TRRAP: variants seen among roughly 807,000 people sequenced by gnomAD.
TRRAP encodes the protein transformation/transcription domain associated protein.
TRRAP carries 41 observed loss-of-function variants against 438.8 expected under a neutral mutation model. The ratio of observed to expected loss-of-function variants is 0.09; its 90% CI spans 0.07 to 0.12. TRRAP has a LOEUF of 0.12. Among genes scored for constraint, TRRAP ranks in the 10% least tolerant of loss-of-function variants. The probability of loss-of-function intolerance (pLI) is 1.00; values close to 1 mark genes in which losing one functional copy is unlikely to be tolerated. For synonymous variants in TRRAP, 1,994 were observed against 1,962.9 expected (o/e 1.02, Z -0.42); for missense variants, 3,122 against 5,055.1 (o/e 0.62, Z 11.60).
At chr7:98,941,423 A>G (rs1182036106) in intron 30 of TRRAP, among the ~76,000 whole-genome samples, 1 of 151,918 alleles carries the variant, frequency 6.6e-6, no homozygotes, top group Non-Finnish European at 1.5e-5. Flanking sequence ...TGATCTGTAC[A>G]CCTCCCAAAG....
rs782512732 is a variant in TRRAP at position 98,949,827 on chromosome 7, G to C, written c.5121G>C (p.Leu1707=). Residue 1707 remains leucine, a synonymous_variant, in exon 37 of 73, where the codon CTG becomes CTC. Coordinates refer to ENST00000456197, the MANE Select transcript of TRRAP (RefSeq NM_001375524.1). The part of the protein sequence containing the change: ...WKEPKLLAYC[L]LNYCKRNYGD... ...AGCCCAAGCTGCTGGCCTACTGCCT[G>C]CTGAACTACTGCAAGTGGGTGCCTC... 4 of 1,613,330 alleles carry C rather than the reference G, an allele frequency of 2.5e-6. No individual in the cohort carries two copies. The highest frequency in any genetic ancestry group is 2.2e-5 in the South Asian group (2 of 91,038).
At position 98,970,217 on chromosome 7, in the gene TRRAP, C is replaced by G; in HGVS notation, c.7618C>G (p.Arg2540Gly). The G allele has an allele frequency of 6.2e-7, 1 of 1,613,810 alleles. No homozygotes were observed. Among genetic ancestry groups the G allele is most frequent in the Non-Finnish European group, 8.5e-7 (1 of 1,180,026 alleles). ...CATCAACCTGGCCGATAGCCACGAC[C>G]GTGCCGCCTTCGCCATGGTCACACA... is the stretch of plus-strand genomic sequence containing the variant. ...NVINLADSHD[R>G]AAFAMVTHVK... is the part of the protein sequence containing the mutation. The change falls in exon 52 of 73, where the codon CGT becomes GGT. Residue 2540 changes from arginine to glycine, a missense_variant. This residue lies in a region of TRRAP where 992 missense variants were observed against 1,281.2 expected (regional missense o/e 0.77). Coordinates refer to ENST00000456197, the MANE Select transcript of TRRAP (RefSeq NM_001375524.1).
chr7:99,010,974 A>C, intron 70 of TRRAP, 78 bp from the exon 71 acceptor site: 17 of 1,379,558 alleles, frequency 1.2e-5, no homozygotes, highest in Non-Finnish European at 1.6e-5. Flanking sequence ...GTTAAAGAGG[A>C]ATTGCAATTT....
rs555202151 is a variant in TRRAP at position 99,011,897 on chromosome 7, C to T, written c.11338-174C>T. Among the ~76,000 whole-genome samples, 1 of 152,328 alleles carries T rather than the reference C, an allele frequency of 6.6e-6. No homozygotes were observed. The highest frequency in any genetic ancestry group is 1.5e-5 in the Non-Finnish European group (1 of 68,030). ...CCAAGTGGAGGAAGGGGTTTGTCCC[C>T]CAGCGGCTTCCCCAGCCCGTCCTGA... On this transcript the variant is annotated intron_variant, in intron 72 of 72. Transcript: ENST00000456197. The surrounding 1 kb of genome is among the most constrained non-coding windows in gnomAD (Gnocchi z 7.1).
Position 98,977,131 on chromosome 7 carries a change from G to A in TRRAP, c.8385+55G>A, listed in dbSNP as rs565887024. ...TGTGTAATGAGAGGTCATTTATAAC[G>A]GTTCTTTAATAAAATGTCCTCAAGT... On this transcript the variant is annotated intron_variant, in intron 56 of 72. Transcript: ENST00000456197. 36 of 1,602,908 alleles carry A rather than the reference G, an allele frequency of 2.2e-5. 1 individual carries two copies. Among genetic ancestry groups the A allele is most frequent in the Middle Eastern group, 3.3e-4 (2 of 6,002 alleles).
At position 98,933,091 on chromosome 7, in the gene TRRAP, G is replaced by A. The variant is rs2240418; in HGVS notation, c.3853-150G>A. ...ACATCTTACATGCCTCTCCACGACC[G>A]AGGTTTTGCACATGAAATGTATCTC... On this transcript the variant is annotated intron_variant, in intron 26 of 72. Transcript: ENST00000456197. 6.3e-4 allele frequency: 664 copies of A among 1,053,366 alleles called. 12 individuals carry two copies. In the East Asian group the frequency reaches 0.017, roughly 27 times the overall value. The allele number at this position is 1,053,366 out of a possible 1,614,324, so 65.3% of individuals were successfully genotyped here.
At chr7:98,926,341 A>G (rs1230813638) in intron 22 of TRRAP, among the ~76,000 whole-genome samples, 8 of 152,226 alleles carry the variant, frequency 5.3e-5, no homozygotes, top group Middle Eastern at 3.2e-3. Context: ...ACTATAGTGA[A>G]ACAACTACAA....
chr7:99,002,026 T>C (rs1203733159), intron 67 of TRRAP, among the ~76,000 whole-genome samples: 3 of 151,714 alleles, frequency 2.0e-5, no homozygotes, highest in Non-Finnish European at 4.4e-5. Context: ...AAAAGCCAAC[T>C]TGGATGTGTA....
rs1201375938 is a variant in TRRAP, at chr7:98,983,455, C to T, written c.9018C>T (p.Tyr3006=). The part of the protein sequence containing the change: ...SSIFMWRQHH[Y]QAIVTAYENS... ...TCTTCATGTGGAGGCAGCATCATTA[C>T]CAGGGTAAACCGACCTGGTCCGGCA... Residue 3006 remains tyrosine (Y), a synonymous_variant, in exon 60 of 73, where the codon TAC becomes TAT. Transcript: ENST00000456197. 3.7e-6 allele frequency: 6 copies of T among 1,614,060 alleles called. No homozygotes were observed. In the African/African-American group the frequency reaches 8.0e-5, roughly 22 times the overall value.
intron 43 of TRRAP, 130 bp from the exon 44 acceptor site, chr7:98,957,851 A>G (rs1554420205): frequency 1.3e-6 from 1 of 752,946 alleles, no homozygotes; most frequent in East Asian, 2.7e-5. Context: ...TGTCTTTGGT[A>G]TCCCCAGCGC....
chr7:98,939,803 A>G (rs1554415136), intron 30 of TRRAP, among the ~76,000 whole-genome samples: 2 of 152,210 alleles, frequency 1.3e-5, no homozygotes, highest in African/African-American at 4.8e-5. Context: ...GCTTTTGTGT[A>G]TGTCTCCTCT....
Position 98,984,965 on chromosome 7 carries a change from A to G in TRRAP, c.9310A>G (p.Thr3104Ala). Residue 3104 changes from threonine to alanine, a missense_variant, in exon 62 of 73, where the codon ACA becomes GCA. This residue lies in a region of TRRAP where 129 missense variants were observed against 279.2 expected (regional missense o/e 0.46). Coordinates refer to ENST00000456197, the MANE Select transcript of TRRAP (RefSeq NM_001375524.1). ...ACAGGGCCTTGAAGTTATTGAATCT[A>G]CAAATTTAAAATACTTCACAAAAGA... ...CMQGLEVIESTNLKYFTKEMT... is the reference protein window; with the variant it reads ...CMQGLEVIESANLKYFTKEMT... 1.2e-6 allele frequency: 2 copies of G among 1,612,538 alleles called. No individual in the cohort carries two copies. Among genetic ancestry groups the G allele is most frequent in the Non-Finnish European group, 1.7e-6 (2 of 1,179,226 alleles).
At chr7:98,977,897 C>T (rs548141656) in intron 56 of TRRAP, among the ~76,000 whole-genome samples, 6 of 152,212 alleles carry the variant, frequency 3.9e-5, no homozygotes, top group Admixed American at 6.5e-5. Flanking sequence ...CAGAGAGCTG[C>T]GGGCATTTAG....
chr7:98,951,059 CTGTGTGTGTGTGTG>C (rs67173253), intron 39 of TRRAP, 55 bp downstream of exon 39: 17 of 969,244 alleles, frequency 1.8e-5, no homozygotes, highest in South Asian at 3.3e-5. Flanking sequence ...GGATGAACAT[CTGTGTGTGTGTGTG>C]TGTGTGTGTG....
intron 67 of TRRAP, among the ~76,000 whole-genome samples, chr7:99,002,621 C>T (rs1049498841): frequency 6.6e-6 from 1 of 152,138 alleles, no homozygotes; most frequent in Non-Finnish European, 1.5e-5. Context: ...GCACAGCAGC[C>T]TGTCCAGCCA....
rs766503440 is a variant in TRRAP, at chr7:98,961,496, T to A, written c.6703+22T>A. The A allele has an allele frequency of 5.0e-6, 8 of 1,609,450 alleles. No homozygotes were observed. The South Asian group carries it at 8.8e-5, about 18-fold the overall frequency. ...CCGAGTATGTGACCTTTCCCACCGG[T>A]GCTTTTCTTTCAAAGTGGACGGTGG... On this transcript the variant is annotated intron_variant, in intron 46 of 72. Transcript: ENST00000456197.
At position 99,011,317 on chromosome 7, in the gene TRRAP, A is replaced by G. The variant is rs777342364; in HGVS notation, c.11143-24A>G. 3.1e-6 allele frequency: 5 copies of G among 1,613,082 alleles called. No homozygotes were observed. The highest frequency in any genetic ancestry group is 4.2e-6 in the Non-Finnish European group (5 of 1,179,090). Reference sequence around the variant, plus strand: ...ACATCGCCTTTCTGCTGAAGTTCCTAAAGTGTCTCCTTCTGAAATTTAGGA... The same window carrying G: ...ACATCGCCTTTCTGCTGAAGTTCCTGAAGTGTCTCCTTCTGAAATTTAGGA... On this transcript the variant is annotated intron_variant, in intron 71 of 72. Transcript: ENST00000456197. The surrounding 1 kb of genome is among the most constrained non-coding windows in gnomAD (Gnocchi z 7.1).
At chr7:98,911,772 C>T (rs1224096467) in intron 17 of TRRAP, among the ~76,000 whole-genome samples, 3 of 134,362 alleles carry the variant, frequency 2.2e-5, no homozygotes, top group East Asian at 4.0e-4. Context: ...ATCTCAAAAT[C>T]TCAAAAAAAA....
At chr7:98,966,959 G>C in intron 49 of TRRAP, 82 bp from the exon 50 acceptor site, 7 of 1,450,928 alleles carry the variant, frequency 4.8e-6, no homozygotes, top group Non-Finnish European at 5.6e-6. Context: ...TATTGTGCTT[G>C]ATAAAATTGT....
Sources: gnomAD v4.1 joint callset for allele counts (sites outside exome capture counted in the v4.1 genomes callset) on GRCh38, gnomAD v4.1.1 for gene constraint, gnomAD v4.1.1 regional missense constraint, Gnocchi (gnomAD v3.1) non-coding constraint, MANE v1.5 for transcripts, NCBI Gene and HGNC (gene_info 2026-07-23, HGNC 2026-07-21) for gene names.